TRIML2: variants seen among roughly 807,000 people sequenced by gnomAD.
The protein encoded by TRIML2 is tripartite motif family like 2.
Under a neutral mutation model 31.2 loss-of-function variants are expected in TRIML2, and 28 were observed. That is an observed-to-expected ratio of 0.90 (90% CI 0.66 to 1.23). The LOEUF (loss-of-function observed/expected upper bound fraction) is 1.23. Among genes scored for constraint, TRIML2 ranks in the 50% most tolerant of loss-of-function variants. TRIML2 has a pLI of 0.00. For missense variants in TRIML2, 536 were observed against 528.3 expected (o/e 1.01, Z -0.14); for synonymous variants, 187 against 197.5 (o/e 0.95, Z 0.45).
At chr4:188,103,520 C>A (rs1733896440) in intron 3 of TRIML2, among the ~76,000 whole-genome samples, 1 of 152,060 alleles carries the variant, frequency 6.6e-6, no homozygotes, top group Admixed American at 6.6e-5. Flanking sequence ...ACGGCAGCCT[C>A]CAGGCCTTTC....
At chr4:188,102,533 CTTAAATAGCATCTCTAT>C (rs1733845043) in intron 3 of TRIML2, among the ~76,000 whole-genome samples, 1 of 152,066 alleles carries the variant, frequency 6.6e-6, no homozygotes, top group Non-Finnish European at 1.5e-5. Context: ...CTTAGAGATG[CTTAAATAGCATCTCTAT>C]TAAGCTATTT....
At position 188,099,714 on chromosome 4, in the gene TRIML2, A is replaced by G. The variant is rs564426106; in HGVS notation, c.481-539T>C. On this transcript the variant is annotated intron_variant, in intron 4 of 7. Transcript: ENST00000682553. ...GACAGTTGATTCTTTGCCCCCTGTT[A>G]TGTATGTTTAAGCCAATACAGATGT... 1.8e-4 allele frequency among the ~76,000 whole-genome samples: 27 copies of G among 152,242 alleles called. No individual in the cohort carries two copies. The South Asian group carries it at 5.4e-3, about 30-fold the overall frequency.
intron 3 of TRIML2, among the ~76,000 whole-genome samples, chr4:188,103,051 C>T (rs995333543): frequency 6.2e-5 from 8 of 128,328 alleles, no homozygotes; most frequent in African/African-American, 1.7e-4. Flanking sequence ...CTCGCTCTGT[C>T]GCCCAGGCTG....
At chr4:188,098,248 A>G (rs746909157) in intron 5 of TRIML2, 2 of 455,594 alleles carry the variant, frequency 4.4e-6, no homozygotes, top group Non-Finnish European at 8.8e-6. Flanking sequence ...CATTTCTCGC[A>G]GTTCTGGAGG....
rs910756440 is a variant in TRIML2 at position 188,100,644 on chromosome 4, C to G, written c.480+412G>C. Reference sequence around the variant, plus strand: ...GGCTGAGGCAGGAGAATGGCGTGAACCCGGGAGGCGAAGCTTGCAGTGAGC... The same window carrying G: ...GGCTGAGGCAGGAGAATGGCGTGAAGCCGGGAGGCGAAGCTTGCAGTGAGC... On this transcript the variant is annotated intron_variant, in intron 4 of 7. Transcript: ENST00000682553. Among the ~76,000 whole-genome samples the G allele has an allele frequency of 2.6e-5, 4 of 152,028 alleles. No individual in the cohort carries two copies. The South Asian group carries it at 8.3e-4, about 32-fold the overall frequency.
At chr4:188,098,166 G>GT (rs1733611243) in intron 5 of TRIML2, 3 of 352,154 alleles carry the variant, frequency 8.5e-6, no homozygotes, top group South Asian at 6.1e-5. Flanking sequence ...GAAAGGCAAC[G>GT]TATGTTACTA....
rs1005847966 is a variant in TRIML2 at position 188,105,554 on chromosome 4, G to T, written c.-186C>A. 1 of 449,824 alleles carries T rather than the reference G, an allele frequency of 2.2e-6. No individual in the cohort carries two copies. Among genetic ancestry groups the T allele is most frequent in the Non-Finnish European group, 4.0e-6 (1 of 253,138 alleles). The allele number at this position is 449,824 out of a possible 1,614,324, so 27.9% of individuals were successfully genotyped here. On this transcript the variant is annotated 5_prime_UTR_variant, in exon 2 of 8. Coordinates refer to ENST00000682553, the MANE Select transcript of TRIML2 (RefSeq NM_173553.4). ...GCAGACAGAGCGGGTCGGCGCTCTG[G>T]ACTCCTCAAATCCAACAAATTTCTG...
Position 188,091,300 on chromosome 4 carries a change from T to TAAGAATTG in TRIML2, c.*72_*73insCAATTCTT. On this transcript the variant is annotated 3_prime_UTR_variant, in exon 8 of 8. Transcript: ENST00000682553. ...TGGAACGCTTTTTATTGGGTTAGTT[T>TAAGAATTG]ACACAAATTCTTTCAAAGTCTTGTT... 6.9e-7 allele frequency: 1 copy of TAAGAATTG among 1,453,768 alleles called. No homozygotes were observed. The highest frequency in any genetic ancestry group is 1.3e-5 in the South Asian group (1 of 76,142). 90.1% of individuals were successfully genotyped at this position (1,453,768 alleles called of 1,614,324 possible). A position where few individuals can be genotyped will look rare whatever the true frequency, so the allele number is the denominator to read the frequency against.
intron 3 of TRIML2, among the ~76,000 whole-genome samples, chr4:188,102,637 T>G (rs1337698296): frequency 6.6e-6 from 1 of 151,620 alleles, no homozygotes; most frequent in Non-Finnish European, 1.5e-5. Flanking sequence ...GATCATGGGG[T>G]CAGCAGTTCG....
At chr4:188,101,884 A>C (rs1733806778) in intron 3 of TRIML2, among the ~76,000 whole-genome samples, 1 of 151,904 alleles carries the variant, frequency 6.6e-6, no homozygotes, top group South Asian at 2.1e-4. Context: ...TAATCCCAGC[A>C]CTTTGGGAGG....
At chr4:188,103,280 A>G (rs376609512) in intron 3 of TRIML2, among the ~76,000 whole-genome samples, 55 of 152,180 alleles carry the variant, frequency 3.6e-4, no homozygotes, top group African/African-American at 9.1e-4. Context: ...GATTACAGGC[A>G]TGAGCCACCA....
Position 188,092,080 on chromosome 4 carries a change from TC to T in TRIML2, c.746-140del, listed in dbSNP as rs1327967902. ...ATACGGGAGAGGCAATTTGGGAGGG[TC>T]CAGGAAAAGGAACTGCTGAACTTCA... On this transcript the variant is annotated intron_variant, in intron 7 of 7. Coordinates refer to ENST00000682553, the MANE Select transcript of TRIML2 (RefSeq NM_173553.4). 9 of 833,162 alleles carry T rather than the reference TC, an allele frequency of 1.1e-5. 1 individual carries two copies. In the African/African-American group the frequency reaches 1.6e-4, roughly 14 times the overall value. 51.6% of individuals were successfully genotyped at this position (833,162 alleles called of 1,614,324 possible). A position where few individuals can be genotyped will look rare whatever the true frequency, so the allele number is the denominator to read the frequency against.
intron 7 of TRIML2, among the ~76,000 whole-genome samples, chr4:188,093,280 G>T (rs1316760230): frequency 6.6e-6 from 1 of 152,076 alleles, no homozygotes; most frequent in Admixed American, 6.6e-5. Context: ...TTATTAGGGT[G>T]GTCTCAACAG....
chr4:188,102,866 AG>A (rs1733859129), intron 3 of TRIML2, among the ~76,000 whole-genome samples: 1 of 151,258 alleles, frequency 6.6e-6, no homozygotes, highest in Non-Finnish European at 1.5e-5. Flanking sequence ...AAAAAAAAAA[AG>A]ATTCAATGAA....
Position 188,105,270 on chromosome 4 carries a change from G to A in TRIML2, c.99C>T (p.Asp33=), listed in dbSNP as rs767959404. ...AGCATTTGCTGCAGAGTGTGATTTGGTCAACATCACAGAACAGCCGTGTTG... is the reference window on the plus strand; with the variant it reads ...AGCATTTGCTGCAGAGTGTGATTTGATCAACATCACAGAACAGCCGTGTTG... ...LEPTRLFCDV[D]QITLCSKCFQ... The change falls in exon 2 of 8, where the codon GAC becomes GAT. Residue 33 remains aspartate (D), a synonymous_variant. Coordinates refer to ENST00000682553, the MANE Select transcript of TRIML2 (RefSeq NM_173553.4). The A allele has an allele frequency of 1.2e-6, 2 of 1,612,738 alleles. No individual in the cohort carries two copies. The highest frequency in any genetic ancestry group is 1.7e-6 in the Non-Finnish European group (2 of 1,178,870).
At chr4:188,096,388 C>T (rs890917795) in intron 7 of TRIML2, among the ~76,000 whole-genome samples, 2 of 151,576 alleles carry the variant, frequency 1.3e-5, no homozygotes, top group African/African-American at 4.8e-5. Flanking sequence ...AAAAATTAGC[C>T]AGGTGTGGTG....
chr4:188,100,234 T>C (rs2111173867), intron 4 of TRIML2, among the ~76,000 whole-genome samples: 1 of 152,304 alleles, frequency 6.6e-6, no homozygotes, highest in South Asian at 2.1e-4. Flanking sequence ...CTGCTTAACA[T>C]GAACAAGACA....
rs1376322887 is a variant in TRIML2 at position 188,105,218 on chromosome 4, T to C, written c.151A>G (p.Met51Val). Residue 51 changes from methionine (M) to valine (V), a missense_variant, in exon 2 of 8, where the codon ATG becomes GTG. Coordinates refer to ENST00000682553, the MANE Select transcript of TRIML2 (RefSeq NM_173553.4). ...CFQSQEHKHHMVCGIQEAAEN... is the reference protein window; with the variant it reads ...CFQSQEHKHHVVCGIQEAAEN... ...GCAGCCTCTTGTATCCCACACACCA[T>C]GTGATGTTTGTGCTCCTGGGACTGG... is the stretch of plus-strand genomic sequence containing the variant. 8 of 1,610,318 alleles carry C rather than the reference T, an allele frequency of 5.0e-6. 1 individual carries two copies. The highest frequency in any genetic ancestry group is 4.4e-5 in the South Asian group (4 of 91,016).
chr4:188,107,935 G>A (rs1035201778), intron 1 of TRIML2, among the ~76,000 whole-genome samples: 17 of 152,182 alleles, frequency 1.1e-4, no homozygotes, highest in African/African-American at 3.6e-4. Context: ...CTGGTTTCCC[G>A]TGTCTTAGGT....
Sources: gnomAD v4.1 joint callset for allele counts (sites outside exome capture counted in the v4.1 genomes callset) on GRCh38, gnomAD v4.1.1 for gene constraint, MANE v1.5 for transcripts, NCBI Gene and HGNC (gene_info 2026-07-23, HGNC 2026-07-21) for gene names.